The following RXRA variants were observed in gnomAD, a reference collection of about 807,000 sequenced individuals.
The protein encoded by RXRA is retinoic acid receptor RXR-alpha.
RXRA carries 5 observed loss-of-function variants against 44.5 expected under a neutral mutation model. That is an observed-to-expected ratio of 0.11 (90% confidence interval 0.06 to 0.24). RXRA has a LOEUF of 0.24. RXRA is among the 10% of genes least tolerant of loss of function. RXRA has a pLI of 1.00. For missense variants in RXRA, 412 were observed against 646.5 expected (o/e 0.64, Z 3.93); for synonymous variants, 291 against 271.4 (o/e 1.07, Z -0.71).
Position 134,365,721 on chromosome 9 carries a change from C to T in RXRA, c.29-35911C>T, listed in dbSNP as rs1830405877. Among the ~76,000 whole-genome samples the T allele has an allele frequency of 3.3e-5, 5 of 150,748 alleles. No individual in the cohort carries two copies. The highest frequency in any genetic ancestry group is 3.3e-4 in the Admixed American group (5 of 15,092). ...CTAGGCCAGATGTAGCCCTGAGGGG[C>T]CCGGCAGAGTCTCGGTGGGTCTCGG... On this transcript the variant is annotated intron_variant, in intron 1 of 9. Coordinates refer to ENST00000481739, the MANE Select transcript of RXRA (RefSeq NM_002957.6). This position sits in a 1 kb window ranked among gnomAD's most constrained non-coding sequence, Gnocchi z 4.0.
intron 1 of RXRA, among the ~76,000 whole-genome samples, chr9:134,337,111 CAG>C (rs1371058720): frequency 1.3e-5 from 2 of 152,212 alleles, no homozygotes; most frequent in Admixed American, 6.5e-5. Flanking sequence ...GGCTGCTGGA[CAG>C]AGCCTGGGAG....
At position 134,342,484 on chromosome 9, in the gene RXRA, G is replaced by A. The variant is rs1436396475; in HGVS notation, c.28+15825G>A. Among the ~76,000 whole-genome samples the A allele has an allele frequency of 6.6e-6, 1 of 152,208 alleles. No homozygotes were observed. Among genetic ancestry groups the A allele is most frequent in the African/African-American group, 2.4e-5 (1 of 41,442 alleles). On this transcript the variant is annotated intron_variant, in intron 1 of 9. Transcript: ENST00000481739. This position sits in a 1 kb window ranked among gnomAD's most constrained non-coding sequence, Gnocchi z 4.4. ...GAGCAGGGGTCCCCCAGGTGGTCAG[G>A]CCCCAGAGGCTTGCACTTGGGATGG...
intron 1 of RXRA, among the ~76,000 whole-genome samples, chr9:134,361,381 G>T (rs1830349900): frequency 6.6e-6 from 1 of 152,170 alleles, no homozygotes; most frequent in African/African-American, 2.4e-5. Context: ...TGTGTGCCCG[G>T]CCCCTGGGCA....
In RXRA at chr9:134,326,647, T is replaced by A; in HGVS notation, c.16T>A (p.Phe6Ile). The A allele has an allele frequency of 1.0e-6, 1 of 961,660 alleles. No individual in the cohort carries two copies. Among genetic ancestry groups the A allele is most frequent in the Non-Finnish European group, 1.2e-6 (1 of 815,962 alleles). The allele number at this position is 961,660 out of a possible 1,614,324, so 59.6% of individuals were successfully genotyped here. Residue 6 changes from phenylalanine (F) to isoleucine (I), a missense_variant, in exon 1 of 10, where the codon TTC becomes ATC. Around this residue, in one of 4 missense-constraint regions of RXRA, gnomAD observed 156 missense variants for 177.2 expected, o/e 0.88. Transcript: ENST00000481739. MDTKH[F>I]LPLDFSTQVN... ...AGTCGCAGACATGGACACCAAACAT[T>A]TCCTGCCGCTCGGTGAGTGCTCGCC...
At position 134,425,222 on chromosome 9, in the gene RXRA, G is replaced by GT. The variant is rs1319025953; in HGVS notation, c.910+3418dup. On this transcript the variant is annotated intron_variant, in intron 6 of 9. Coordinates refer to ENST00000481739, the MANE Select transcript of RXRA (RefSeq NM_002957.6). Reference sequence around the variant, plus strand: ...AGGCTGTGGGAGGTTGATGTCACACGTGTCTGCTCCTGTGGGGTAGGGCCC... The same window carrying GT: ...AGGCTGTGGGAGGTTGATGTCACACGTTGTCTGCTCCTGTGGGGTAGGGCCC... The GT allele has an allele frequency of 9.1e-6, 9 of 985,252 alleles. No individual in the cohort carries two copies. The African/African-American group carries it at 1.6e-4, about 17-fold the overall frequency. The allele number at this position is 985,252 out of a possible 1,614,324, so 61.0% of individuals were successfully genotyped here.
chr9:134,356,148 C>T (rs1349582363), intron 1 of RXRA, among the ~76,000 whole-genome samples: 3 of 152,148 alleles, frequency 2.0e-5, no homozygotes, highest in African/African-American at 7.2e-5. Flanking sequence ...CTGCCCCTGC[C>T]AGGTGGAGCA....
At chr9:134,363,909 T>C (rs1391714642) in intron 1 of RXRA, among the ~76,000 whole-genome samples, 1 of 152,046 alleles carries the variant, frequency 6.6e-6, no homozygotes. Context: ...GGGAAAAGCC[T>C]CCCCTAAAAA....
At chr9:134,420,139 C>T (rs1808299614) in intron 5 of RXRA, among the ~76,000 whole-genome samples, 1 of 152,222 alleles carries the variant, frequency 6.6e-6, no homozygotes, top group South Asian at 2.1e-4. Flanking sequence ...GCCACTGCTG[C>T]AGACACGGTG....
In RXRA at chr9:134,425,386, A is replaced by G. The variant is rs1393533235; in HGVS notation, c.910+3581A>G. 3.0e-6 allele frequency: 3 copies of G among 985,102 alleles called. No individual in the cohort carries two copies. In the East Asian group the frequency reaches 3.4e-4, roughly 112 times the overall value. 61.0% of individuals were successfully genotyped at this position (985,102 alleles called of 1,614,324 possible). ...GTGTTTGTCAGATGAGTAAACTGAG[A>G]CAGGGCCGGGTCGCTCACAGCTTTC... On this transcript the variant is annotated intron_variant, in intron 6 of 9. Coordinates refer to ENST00000481739, the MANE Select transcript of RXRA (RefSeq NM_002957.6).
chr9:134,402,209 C>T (rs1830975613), intron 2 of RXRA: 1 of 377,566 alleles, frequency 2.6e-6, no homozygotes, highest in Non-Finnish European at 4.8e-6. Context: ...GCTGTGGCCT[C>T]CCTCAGGCCT....
intron 1 of RXRA, among the ~76,000 whole-genome samples, chr9:134,384,976 C>G (rs973874703): frequency 1.3e-5 from 2 of 152,190 alleles, no homozygotes; most frequent in African/African-American, 4.8e-5. Flanking sequence ...GCGGCCTGTC[C>G]CCAGCACTGG....
rs920701988 is a variant in RXRA, at chr9:134,424,629, G to A, written c.910+2824G>A. On this transcript the variant is annotated intron_variant, in intron 6 of 9. Transcript: ENST00000481739. ...GGGCCAGCAGCTCACCCATCAGGTG[G>A]TCTCCCCAAGCCCCAGTAAGGTCCA... 75 of 985,470 alleles carry A rather than the reference G, an allele frequency of 7.6e-5. No individual in the cohort carries two copies. The Middle Eastern group carries it at 1.6e-3, about 21-fold the overall frequency. The allele number at this position is 985,470 out of a possible 1,614,324, so 61.0% of individuals were successfully genotyped here. A position where few individuals can be genotyped will look rare whatever the true frequency, so the allele number is the denominator to read the frequency against.
intron 1 of RXRA, among the ~76,000 whole-genome samples, chr9:134,331,295 G>T (rs1200639462): frequency 2.0e-5 from 3 of 152,236 alleles, no homozygotes; most frequent in Non-Finnish European, 4.4e-5. Context: ...GCGCCCTAGA[G>T]TTACAAAGCA....
chr9:134,390,271 G>C (rs1420654531), intron 1 of RXRA, among the ~76,000 whole-genome samples: 1 of 152,186 alleles, frequency 6.6e-6, no homozygotes, highest in African/African-American at 2.4e-5. Context: ...TTCAGACCTA[G>C]CCCAGGCCAG....
At chr9:134,427,885 A>G (rs1831460546) in intron 6 of RXRA, among the ~76,000 whole-genome samples, 1 of 152,200 alleles carries the variant, frequency 6.6e-6, no homozygotes, top group Non-Finnish European at 1.5e-5. Context: ...TGGAGCCTCT[A>G]GAGCGCTCAG....
rs1027068829 is a variant in RXRA, at chr9:134,423,518, A to AG, written c.910+1716dup. 3.3e-5 allele frequency: 33 copies of AG among 985,336 alleles called. No individual in the cohort carries two copies. The African/African-American group carries it at 5.6e-4, about 17-fold the overall frequency. The allele number at this position is 985,336 out of a possible 1,614,324, so 61.0% of individuals were successfully genotyped here. ...CTGTGACCACACAGGCTGTGTGTAT[A>AG]GGGCCTGGCGCCGTCGCCACCCTCC... On this transcript the variant is annotated intron_variant, in intron 6 of 9. Transcript: ENST00000481739.
Position 134,417,574 on chromosome 9 carries a change from CGGGGCCT to C in RXRA, c.780+254_780+260del, listed in dbSNP as rs1204863226. 2.6e-4 allele frequency among the ~76,000 whole-genome samples: 39 copies of C among 151,718 alleles called. No individual in the cohort carries two copies. The highest frequency in any genetic ancestry group is 8.5e-4 in the African/African-American group (35 of 41,142). Reference sequence around the variant, plus strand: ...GGGCAGGGGCCAGGGGCCAGGGGCCCGGGGCCTGGGGCCCTGCGGCCACATCATCATC... The same window carrying C: ...GGGCAGGGGCCAGGGGCCAGGGGCCCGGGGCCCTGCGGCCACATCATCATC... On this transcript the variant is annotated intron_variant, in intron 5 of 9. Coordinates refer to ENST00000481739, the MANE Select transcript of RXRA (RefSeq NM_002957.6). The surrounding 1 kb of genome is among the most constrained non-coding windows in gnomAD (Gnocchi z 6.1).
intron 4 of RXRA, among the ~76,000 whole-genome samples, chr9:134,411,459 C>T (rs961037639): frequency 5.3e-5 from 8 of 152,218 alleles, no homozygotes; most frequent in African/African-American, 7.2e-5. Context: ...CTCACTCGCC[C>T]CATACCTGTG....
At chr9:134,381,942 G>A (rs531230309) in intron 1 of RXRA, among the ~76,000 whole-genome samples, 2 of 152,290 alleles carry the variant, frequency 1.3e-5, no homozygotes, top group Admixed American at 1.3e-4. Context: ...AACTGTACCT[G>A]TGGGCAGGTG....
Sources: allele counts gnomAD v4.1 joint callset (sites outside exome capture counted in the v4.1 genomes callset), GRCh38; gene constraint gnomAD v4.1.1; regional missense constraint gnomAD v4.1.1; non-coding constraint Gnocchi (gnomAD v3.1); transcripts MANE v1.5; gene names NCBI Gene and HGNC (gene_info 2026-07-23, HGNC 2026-07-21).